Variants in BRIP1 observed in about 807,000 individuals in gnomAD.
The protein encoded by BRIP1 is Fanconi anemia group J protein.
Under a neutral mutation model 119.7 loss-of-function variants are expected in BRIP1, and 88 were observed. The observed-to-expected ratio is 0.74, with a 90% CI of 0.62 to 0.88. BRIP1 has a LOEUF of 0.88. Ranked by LOEUF, BRIP1 falls within the 40% of genes least tolerant of loss-of-function variation. The pLI is 0.00. For missense variants in BRIP1, 1,259 were observed against 1,455.4 expected (o/e 0.87, Z 2.20); for synonymous variants, 443 against 496.5 (o/e 0.89, Z 1.43).
intron 14 of BRIP1, among the ~76,000 whole-genome samples, chr17:61,772,370 A>G (rs1279573660): frequency 2.0e-5 from 3 of 151,862 alleles, no homozygotes; most frequent in Non-Finnish European, 2.9e-5. Flanking sequence ...TCACAGAGAC[A>G]GAAAGAATAC....
intron 7 of BRIP1, among the ~76,000 whole-genome samples, chr17:61,801,996 G>A (rs11658539): frequency 0.2 from 29,917 of 151,524 alleles, 3,743 homozygotes; most frequent in Admixed American, 0.36. Flanking sequence ...ATGTCCTAAG[G>A]GGAAAAAAAG....
chr17:61,807,844 CAT>C lies in BRIP1; in HGVS notation c.918+621_918+622del, dbSNP rs878903831. On this transcript the variant is annotated intron_variant, in intron 7 of 19. Transcript: ENST00000259008. The surrounding 1 kb of genome is among the most constrained non-coding windows in gnomAD (Gnocchi z 4.5). ...CTGCCAAAAGAAATTATTTGAAAGT[CAT>C]ATAAGTCTTTAGTAAGAAAGAATTC... is the stretch of plus-strand genomic sequence containing the variant. 2.6e-5 allele frequency among the ~76,000 whole-genome samples: 4 copies of C among 152,216 alleles called. No homozygotes were observed. The highest frequency in any genetic ancestry group is 2.6e-4 in the Admixed American group (4 of 15,282).
intron 14 of BRIP1, among the ~76,000 whole-genome samples, chr17:61,764,266 G>GA (rs1210312968): frequency 6.6e-6 from 1 of 152,168 alleles, no homozygotes; most frequent in African/African-American, 2.4e-5. Flanking sequence ...GTGGAAAAGA[G>GA]AAAGACAAGA....
Position 61,857,319 on chromosome 17 carries a change from G to A in BRIP1, c.206-88C>T, listed in dbSNP as rs2078912381. On this transcript the variant is annotated intron_variant, in intron 3 of 19. Coordinates refer to ENST00000259008, the MANE Select transcript of BRIP1 (RefSeq NM_032043.3). This position sits in a 1 kb window ranked among gnomAD's most constrained non-coding sequence, Gnocchi z 5.1. The stretch of plus-strand genomic sequence containing the variant: ...CAGCCCAGTTCACCCAGGATTGGGA[G>A]GTTTCCTAAGATAAAAGATTTTTAG... 6 of 1,261,788 alleles carry A rather than the reference G, an allele frequency of 4.8e-6. No homozygotes were observed. Among genetic ancestry groups the A allele is most frequent in the South Asian group, 3.0e-5 (2 of 66,232 alleles). The allele number at this position is 1,261,788 out of a possible 1,614,324, so 78.2% of individuals were successfully genotyped here. A position where few individuals can be genotyped will look rare whatever the true frequency, so the allele number is the denominator to read the frequency against.
chr17:61,697,336 CAAAAAAAAAAAAAAAAAAAAAAAA>C (rs55963888), intron 17 of BRIP1, among the ~76,000 whole-genome samples: 1 of 59,142 alleles, frequency 1.7e-5, no homozygotes, highest in Non-Finnish European at 2.9e-5. Context: ...GACTCTGTCT[CAAAAAAAAAAAAAAAAAAAAAAAA>C]AAAAAAAAAA....
At chr17:61,750,712 A>T (rs1483487269) in intron 14 of BRIP1, among the ~76,000 whole-genome samples, 2 of 10,696 alleles carry the variant, frequency 1.9e-4, no homozygotes, top group Non-Finnish European at 4.8e-4. Flanking sequence ...AATGATTAAA[A>T]AAAAAAAAAA....
chr17:61,776,857 TG>T lies in BRIP1; in HGVS notation c.1936-296del, dbSNP rs2077542878. 1.3e-5 allele frequency among the ~76,000 whole-genome samples: 2 copies of T among 152,232 alleles called. No homozygotes were observed. Among genetic ancestry groups the T allele is most frequent in the Admixed American group, 6.5e-5 (1 of 15,286 alleles). On this transcript the variant is annotated intron_variant, in intron 13 of 19. Transcript: ENST00000259008. The surrounding 1 kb of genome is among the most constrained non-coding windows in gnomAD (Gnocchi z 5.0). ...AAAATTTAAGCATGTAACAAATTTT[TG>T]TTAGGTGAATAAATGAACAAGTGAA...
At position 61,778,243 on chromosome 17, in the gene BRIP1, A is replaced by G. The variant is rs149658526; in HGVS notation, c.1936-1681T>C. Among the ~76,000 whole-genome samples the G allele has an allele frequency of 2.2e-4, 33 of 152,306 alleles. No homozygotes were observed. The highest frequency in any genetic ancestry group is 1.0e-3 in the South Asian group (5 of 4,830). ...AATAAGCCAGTCACAAAAACGACAA[A>G]TATTTTATGATTCCACTTATATGAA... On this transcript the variant is annotated intron_variant, in intron 13 of 19. Coordinates refer to ENST00000259008, the MANE Select transcript of BRIP1 (RefSeq NM_032043.3). The surrounding 1 kb of genome is among the most constrained non-coding windows in gnomAD (Gnocchi z 4.4).
At chr17:61,840,144 A>G (rs2078636041) in intron 6 of BRIP1, among the ~76,000 whole-genome samples, 1 of 152,160 alleles carries the variant, frequency 6.6e-6, no homozygotes, top group Admixed American at 6.5e-5. Flanking sequence ...AGATCACCCG[A>G]GGTCAGGCGT....
chr17:61,799,034 T>C lies in BRIP1; in HGVS notation c.1340+66A>G, dbSNP rs1352035569. On this transcript the variant is annotated intron_variant, in intron 9 of 19. Transcript: ENST00000259008. The surrounding 1 kb of genome is among the most constrained non-coding windows in gnomAD (Gnocchi z 5.1). ...CAAAGTTTACTAACTTTAAATACTC[T>C]GGCATAATCAAACATATTTTTCATA... 35 of 1,448,880 alleles carry C rather than the reference T, an allele frequency of 2.4e-5. No homozygotes were observed. The highest frequency in any genetic ancestry group is 3.2e-5 in the Non-Finnish European group (33 of 1,032,018). 89.8% of individuals were successfully genotyped at this position (1,448,880 alleles called of 1,614,324 possible).
In BRIP1 at chr17:61,735,625, CA is replaced by C. The variant is rs753949795; in HGVS notation, c.2379+7387del. ...GCAACATAGCAAGATCCTGCCTCTA[CA>C]AAAAAAAAAAAACCACGTTTAAAAA... On this transcript the variant is annotated intron_variant, in intron 16 of 19. Transcript: ENST00000259008. The surrounding 1 kb of genome is among the most constrained non-coding windows in gnomAD (Gnocchi z 4.4). Among the ~76,000 whole-genome samples the C allele has an allele frequency of 2.9e-3, 357 of 121,926 alleles. 3 individuals carry two copies. The highest frequency in any genetic ancestry group is 7.8e-3 in the African/African-American group (258 of 33,160). 80.0% of individuals were successfully genotyped at this position (121,926 alleles called of 152,430 possible).
chr17:61,738,239 T>A lies in BRIP1; in HGVS notation c.2379+4774A>T, dbSNP rs2144635027. ...AGATGTATGACCTGTAATAAATGAT[T>A]GCTGTTTTAAGTCACTAAGTTTTGG... On this transcript the variant is annotated intron_variant, in intron 16 of 19. Transcript: ENST00000259008. This position sits in a 1 kb window ranked among gnomAD's most constrained non-coding sequence, Gnocchi z 4.2. Among the ~76,000 whole-genome samples, 1 of 152,292 alleles carries A rather than the reference T, an allele frequency of 6.6e-6. No individual in the cohort carries two copies. Among genetic ancestry groups the A allele is most frequent in the East Asian group, 1.9e-4 (1 of 5,192 alleles).
In BRIP1 at chr17:61,730,099, C is replaced by T. The variant is rs2076824714; in HGVS notation, c.2379+12914G>A. Among the ~76,000 whole-genome samples, 1 of 152,164 alleles carries T rather than the reference C, an allele frequency of 6.6e-6. No individual in the cohort carries two copies. The highest frequency in any genetic ancestry group is 2.1e-4 in the South Asian group (1 of 4,830). On this transcript the variant is annotated intron_variant, in intron 16 of 19. Coordinates refer to ENST00000259008, the MANE Select transcript of BRIP1 (RefSeq NM_032043.3). The surrounding 1 kb of genome is among the most constrained non-coding windows in gnomAD (Gnocchi z 4.3). ...GTATAGCTTACTATAGTCACTGACG[C>T]ACTGGGGTGATGTGTCCTACAGTTA...
chr17:61,842,349 A>T lies in BRIP1; in HGVS notation c.627+4752T>A, dbSNP rs1162904004. ...ATAACTACAGCTAGATTGGAGAAAC[A>T]GGAGGAATAAGTTCTGGTATTCTAT... On this transcript the variant is annotated intron_variant, in intron 6 of 19. Coordinates refer to ENST00000259008, the MANE Select transcript of BRIP1 (RefSeq NM_032043.3). This position sits in a 1 kb window ranked among gnomAD's most constrained non-coding sequence, Gnocchi z 5.1. Among the ~76,000 whole-genome samples, 2 of 152,184 alleles carry T rather than the reference A, an allele frequency of 1.3e-5. No homozygotes were observed. Among genetic ancestry groups the T allele is most frequent in the East Asian group, 1.9e-4 (1 of 5,198 alleles).
In BRIP1 at chr17:61,738,425, T is replaced by G. The variant is rs2076946559; in HGVS notation, c.2379+4588A>C. ...TCTACTTGTACCTTTTGGGAACCAC[T>G]AGGGATAACCCTTTAGAACCACCTT... On this transcript the variant is annotated intron_variant, in intron 16 of 19. Transcript: ENST00000259008. The surrounding 1 kb of genome is among the most constrained non-coding windows in gnomAD (Gnocchi z 4.2). 6.6e-6 allele frequency among the ~76,000 whole-genome samples: 1 copy of G among 152,186 alleles called. No homozygotes were observed. The highest frequency in any genetic ancestry group is 6.5e-5 in the Admixed American group (1 of 15,274).
At position 61,762,670 on chromosome 17, in the gene BRIP1, A is replaced by G. The variant is rs1377011846; in HGVS notation, c.2097+13731T>C. ...GGAAATACAAATTAAAACCATGATG[A>G]AACATTACCTTATGCCTGTAACAAT... On this transcript the variant is annotated intron_variant, in intron 14 of 19. Transcript: ENST00000259008. The surrounding 1 kb of genome is among the most constrained non-coding windows in gnomAD (Gnocchi z 4.3). 6.6e-6 allele frequency among the ~76,000 whole-genome samples: 1 copy of G among 152,204 alleles called. No individual in the cohort carries two copies. Among genetic ancestry groups the G allele is most frequent in the East Asian group, 1.9e-4 (1 of 5,200 alleles).
chr17:61,786,542 A>C (rs1314007827), intron 10 of BRIP1, among the ~76,000 whole-genome samples: 1 of 149,320 alleles, frequency 6.7e-6, no homozygotes, highest in African/African-American at 2.4e-5. Flanking sequence ...AGCCAACTAG[A>C]ATTAGGGCAA....
chr17:61,780,474 TC>T lies in BRIP1; in HGVS notation c.1795-74del, dbSNP rs2145084279. ...TGGGCAAAGTGGCTCACACCTGTAA[TC>T]CCAGCACTTTGGGAGGCTGAAGCAG... On this transcript the variant is annotated intron_variant, in intron 12 of 19. Transcript: ENST00000259008. The surrounding 1 kb of genome is among the most constrained non-coding windows in gnomAD (Gnocchi z 5.4). The T allele has an allele frequency of 7.5e-7, 1 of 1,333,700 alleles. No homozygotes were observed. Among genetic ancestry groups the T allele is most frequent in the Non-Finnish European group, 1.1e-6 (1 of 929,562 alleles). The allele number at this position is 1,333,700 out of a possible 1,614,324, so 82.6% of individuals were successfully genotyped here.
chr17:61,719,345 G>A (rs979486393), intron 16 of BRIP1, among the ~76,000 whole-genome samples: 4 of 151,798 alleles, frequency 2.6e-5, no homozygotes, highest in African/African-American at 9.7e-5. Flanking sequence ...CAACATGGAT[G>A]GAACTGAGGA....
Sources: allele counts gnomAD v4.1 joint callset (sites outside exome capture counted in the v4.1 genomes callset), GRCh38; gene constraint gnomAD v4.1.1; non-coding constraint Gnocchi (gnomAD v3.1); transcripts MANE v1.5; gene names NCBI Gene and HGNC (gene_info 2026-07-23, HGNC 2026-07-21).